Variants in KIF7 observed in about 807,000 individuals in gnomAD.
KIF7 encodes the protein kinesin family member 7.
A neutral mutation model predicts 135.7 loss-of-function variants in KIF7; 104 were observed. That is an observed-to-expected ratio of 0.77 (90% confidence interval 0.65 to 0.90). KIF7 has a LOEUF of 0.90. Among genes scored for constraint, KIF7 ranks in the 40% least tolerant of loss-of-function variants. KIF7 has a pLI of 0.00. For synonymous variants in KIF7, 883 were observed against 809.4 expected, an observed-to-expected ratio of 1.09 and a Z score of -1.54; for missense variants, 2,005 against 1,839.1, an observed-to-expected ratio of 1.09 and a Z score of -1.65.
downstream of KIF7, chr15:89,624,917 CT>C: frequency 6.2e-7 from 1 of 1,614,096 alleles, no homozygotes; most frequent in Non-Finnish European, 8.5e-7. Flanking sequence ...CAGTGCCAGG[CT>C]TCGGCACAAC....
chr15:89,624,920 C>T (rs149164041), downstream of KIF7: 43 of 1,613,926 alleles, frequency 2.7e-5, no homozygotes, highest in Middle Eastern at 1.6e-4. Context: ...TGCCAGGCTT[C>T]GGCACAACTA....
At chr15:89,645,565 A>G (rs1963997369) in intron 8 of KIF7, 114 bp from the exon 9 acceptor site, 3 of 849,874 alleles carry the variant, frequency 3.5e-6, no homozygotes, top group South Asian at 1.4e-5. Flanking sequence ...CCCAGGGTCA[A>G]TATAAACCCA....
At chr15:89,631,405 AC>A in intron 15 of KIF7, 89 bp downstream of exon 15, 1 of 1,198,824 alleles carries the variant, frequency 8.3e-7, no homozygotes, top group South Asian at 1.4e-5. Flanking sequence ...AAGGCCCAGC[AC>A]CCGCAGAGGG....
chr15:89,647,527 A>C, intron 6 of KIF7, 69 bp downstream of exon 6: 3 of 1,379,748 alleles, frequency 2.2e-6, no homozygotes, highest in Non-Finnish European at 3.1e-6. Context: ...CATCCTGAGA[A>C]ACTCAGCTCT....
chr15:89,649,686 A>C, intron 3 of KIF7, 55 bp downstream of exon 3: 1 of 1,520,706 alleles, frequency 6.6e-7, no homozygotes, highest in East Asian at 2.5e-5. Flanking sequence ...CACTCCAAAC[A>C]GGTGAAGCCC....
chr15:89,628,937 A>G, intron 18 of KIF7, 39 bp downstream of exon 18: 1 of 1,613,864 alleles, frequency 6.2e-7, no homozygotes. Flanking sequence ...CCCCAAAGAA[A>G]GGGAACAGGT....
At chr15:89,638,789 A>C (rs1252863690) in intron 11 of KIF7, among the ~76,000 whole-genome samples, 1 of 152,240 alleles carries the variant, frequency 6.6e-6, no homozygotes, top group Admixed American at 6.5e-5. Flanking sequence ...AATTGGAAAA[A>C]ACTACTTTAA....
intron 1 of KIF7, 104 bp from the exon 2 acceptor site, chr15:89,653,058 G>C: frequency 1.1e-6 from 1 of 916,920 alleles, no homozygotes; most frequent in Non-Finnish European, 1.6e-6. Flanking sequence ...TGACCTTGGA[G>C]GGATTGGGGG....
At chr15:89,633,605 C>T (rs1462069342) in intron 12 of KIF7, 81 bp downstream of exon 12, 3 of 1,502,876 alleles carry the variant, frequency 2.0e-6, no homozygotes, top group South Asian at 1.2e-5. Flanking sequence ...GGTTGCAAAC[C>T]CTGCCTGGGC....
chr15:89,630,346 T>C lies in KIF7; in HGVS notation c.3259A>G (p.Lys1087Glu). The C allele has an allele frequency of 6.2e-7, 1 of 1,614,160 alleles. No individual in the cohort carries two copies. Among genetic ancestry groups the C allele is most frequent in the Non-Finnish European group, 8.5e-7 (1 of 1,180,030 alleles). ...LSQCEMNLMA[K>E]LSYLSSSETR... ...TCTGAGGATGAGAGGTAGCTGAGCT[T>C]GGCCATGAGGTTCATCTCGCACTGG... Residue 1087 changes from lysine to glutamate, a missense_variant, in exon 16 of 19, where the codon AAG (lysine) becomes GAG (glutamate). Physicochemically the swap from Lys to Glu is moderately conservative, Grantham distance 56 (BLOSUM62 1). Transcript: ENST00000394412.
chr15:89,629,731 GC>G, intron 16 of KIF7, 158 bp from the exon 17 acceptor site: 3 of 879,368 alleles, frequency 3.4e-6, no homozygotes, highest in Non-Finnish European at 5.2e-6. Flanking sequence ...AGACACCTCA[GC>G]AGTGCTCTAG....
intron 15 of KIF7, 105 bp downstream of exon 15, chr15:89,631,390 A>G (rs1963671543): frequency 1.6e-5 from 17 of 1,070,444 alleles, no homozygotes; most frequent in Non-Finnish European, 2.1e-5. Flanking sequence ...GGGTCTGCCG[A>G]CAGCAAGGCC....
upstream of KIF7, among the ~76,000 whole-genome samples, chr15:89,659,096 G>C (rs1964233402): frequency 6.6e-6 from 1 of 151,704 alleles, no homozygotes; most frequent in South Asian, 2.1e-4. Flanking sequence ...TCAAAATTAA[G>C]AACTTTTGTT....
chr15:89,660,975 G>A, the KIF7 span, among the ~76,000 whole-genome samples: 6 of 152,196 alleles, frequency 3.9e-5, no homozygotes, highest in Non-Finnish European at 8.8e-5. Context: ...AAGTTCAGCT[G>A]ATCTGCAGGC....
intron 1 of KIF7, among the ~76,000 whole-genome samples, chr15:89,653,263 G>T (rs914074213): frequency 1.3e-5 from 2 of 152,048 alleles, no homozygotes; most frequent in Non-Finnish European, 2.9e-5. Flanking sequence ...CTAGAAGAAC[G>T]CACACACACA....
intron 1 of KIF7, among the ~76,000 whole-genome samples, chr15:89,621,036 T>TGAGATGGAGTTGTGCTCTTGTTGCCC (rs1963416636): frequency 1.4e-5 from 2 of 147,824 alleles, no homozygotes; most frequent in African/African-American, 5.0e-5. Flanking sequence ...TGTTTGTTTT[T>TGAGATGGAGTTGTGCTCTTGTTGCCC]GAGATGGAGT....
intron 11 of KIF7, among the ~76,000 whole-genome samples, chr15:89,640,839 A>G (rs1963905771): frequency 6.6e-6 from 1 of 151,588 alleles, no homozygotes. Context: ...AAAAAAAAAA[A>G]AAGAAAAAAA....
chr15:89,619,074 A>C (rs532401455), intron 1 of KIF7, among the ~76,000 whole-genome samples: 1 of 152,318 alleles, frequency 6.6e-6, no homozygotes, highest in African/African-American at 2.4e-5. Flanking sequence ...TGAAGCCAAA[A>C]ATTTTAAAGC....
rs866844676 is a variant in KIF7 at position 89,633,251 on chromosome 15, G to A, written c.2608C>T (p.His870Tyr). The change falls in exon 13 of 19, where the codon CAT (histidine) becomes TAT (tyrosine). Residue 870 changes from histidine to tyrosine, a missense_variant. His to Tyr is a moderately conservative substitution (Grantham distance 83). Transcript: ENST00000394412. Reference protein sequence around the residue: ...QHRVKELELKHEQQQKILKIK... With the variant: ...QHRVKELELKYEQQQKILKIK... ...TTCAGGATCTTCTGCTGTTGCTCAT[G>A]CTTCAGCTCCAGCTCCTGGGTGAGG... 1 of 1,575,566 alleles carries A rather than the reference G, an allele frequency of 6.3e-7. No individual in the cohort carries two copies. The highest frequency in any genetic ancestry group is 2.3e-5 in the East Asian group (1 of 43,438).
Sources: allele counts gnomAD v4.1 joint callset (sites outside exome capture counted in the v4.1 genomes callset), GRCh38; gene constraint gnomAD v4.1.1; transcripts MANE v1.5; gene names NCBI Gene and HGNC (gene_info 2026-07-23, HGNC 2026-07-21).